LAPTM4B: variants seen among roughly 807,000 people sequenced by gnomAD.
LAPTM4B encodes the protein lysosomal protein transmembrane 4 beta, also known as lysosomal-associated transmembrane protein 4B.
Under a neutral mutation model 28.5 loss-of-function variants are expected in LAPTM4B, and 26 were observed. That is an observed-to-expected ratio of 0.91 (90% CI 0.67 to 1.27). The LOEUF (loss-of-function observed/expected upper bound fraction) is 1.27, where lower values mean the gene tolerates loss of function less well. LAPTM4B is among the 50% of genes most tolerant of loss of function. LAPTM4B has a pLI of 0.00. For missense variants in LAPTM4B, 288 were observed against 285.8 expected, an observed-to-expected ratio of 1.01 and a Z score of -0.06; for synonymous variants, 109 against 106.4, an observed-to-expected ratio of 1.02 and a Z score of -0.15.
At chr8:97,803,387 T>A (rs184901806) in intron 1 of LAPTM4B, among the ~76,000 whole-genome samples, 1 of 151,702 alleles carries the variant, frequency 6.6e-6, no homozygotes, top group East Asian at 2.0e-4. Context: ...GAAGTGATTC[T>A]CCTGCCTCAG....
rs768687341 is a variant in LAPTM4B at position 97,775,940 on chromosome 8, C to G, written c.-70C>G. 11 of 1,475,416 alleles carry G rather than the reference C, an allele frequency of 7.5e-6. No individual in the cohort carries two copies. In the South Asian group the frequency reaches 1.5e-4, roughly 20 times the overall value. 91.4% of individuals were successfully genotyped at this position (1,475,416 alleles called of 1,614,324 possible). ...GGAGGAGCCGGCAGCAGCGGCGCGGCGGGCTCCAGGCGAGGCGGTCGACGC... is the reference window on the plus strand; with the variant it reads ...GGAGGAGCCGGCAGCAGCGGCGCGGGGGGCTCCAGGCGAGGCGGTCGACGC... On this transcript the variant is annotated 5_prime_UTR_variant, in exon 1 of 7. Transcript: ENST00000521545.
chr8:97,805,266 T>TC (rs1816741503), intron 1 of LAPTM4B, 87 bp from the exon 2 acceptor site: 1 of 729,564 alleles, frequency 1.4e-6, no homozygotes, highest in Non-Finnish European at 2.3e-6. Flanking sequence ...CCAGCCTGAC[T>TC]CCATGTGGTC....
At chr8:97,840,949 GT>G (rs1289504364) in intron 6 of LAPTM4B, among the ~76,000 whole-genome samples, 3 of 148,924 alleles carry the variant, frequency 2.0e-5, no homozygotes, top group African/African-American at 7.4e-5. Flanking sequence ...CTTCTAGACA[GT>G]TGGTGGCCAA....
At chr8:97,786,701 G>GGAA (rs751867632) in intron 1 of LAPTM4B, among the ~76,000 whole-genome samples, 14 of 89,278 alleles carry the variant, frequency 1.6e-4, no homozygotes, top group Non-Finnish European at 2.3e-4. Flanking sequence ...TCCCGTCTCA[G>GGAA]AAAAAAAAAA....
At chr8:97,834,135 G>T in intron 6 of LAPTM4B, among the ~76,000 whole-genome samples, 1 of 56,004 alleles carries the variant, frequency 1.8e-5, no homozygotes, top group Non-Finnish European at 4.1e-5. Flanking sequence ...TGAGACCCCT[G>T]TCTCTACAGA....
chr8:97,816,396 C>CCTCTGCCTCCAGGGT (rs1001288581), intron 4 of LAPTM4B, among the ~76,000 whole-genome samples: 3 of 151,902 alleles, frequency 2.0e-5, no homozygotes, highest in Non-Finnish European at 2.9e-5. Flanking sequence ...CTCACTGCAA[C>CCTCTGCCTCCAGGGT]CTCTGCCTCC....
chr8:97,804,792 A>ACTGGCCTGGCCTGGCCTGGC (rs370311995), intron 1 of LAPTM4B, among the ~76,000 whole-genome samples: 2 of 151,918 alleles, frequency 1.3e-5, no homozygotes, highest in African/African-American at 4.8e-5. Context: ...AGACAGGACT[A>ACTGGCCTGGCCTGGCCTGGC]CTGGCCTGGC....
chr8:97,798,855 G>A (rs1360511865), intron 1 of LAPTM4B, among the ~76,000 whole-genome samples: 2 of 152,128 alleles, frequency 1.3e-5, no homozygotes, highest in Admixed American at 1.3e-4. Context: ...AGGGTTAGAG[G>A]CCAGATGGAT....
At chr8:97,840,871 G>GGGCGGCACAGCCAAAAT (rs1817336723) in intron 6 of LAPTM4B, among the ~76,000 whole-genome samples, 3 of 150,426 alleles carry the variant, frequency 2.0e-5, no homozygotes, top group East Asian at 2.0e-4. Flanking sequence ...TTCCCAGACG[G>GGGCGGCACAGCCAAAAT]TGGGTAGCTG....
intron 1 of LAPTM4B, among the ~76,000 whole-genome samples, chr8:97,780,314 C>G (rs1816289235): frequency 6.6e-6 from 1 of 151,762 alleles, no homozygotes; most frequent in Non-Finnish European, 1.5e-5. Flanking sequence ...GTAACCCCAG[C>G]TACTTGGGAA....
chr8:97,804,848 T>C (rs906823022), intron 1 of LAPTM4B, among the ~76,000 whole-genome samples: 2 of 152,196 alleles, frequency 1.3e-5, no homozygotes, highest in Non-Finnish European at 2.9e-5. Flanking sequence ...AGGATGATCC[T>C]GGATCCACTA....
Position 97,775,864 on chromosome 8 carries a change from A to G in LAPTM4B, c.-146A>G. On this transcript the variant is annotated 5_prime_UTR_variant, in exon 1 of 7. Coordinates refer to ENST00000521545, the MANE Select transcript of LAPTM4B (RefSeq NM_018407.6). ...GAAGCTCGGAGCTCTCGGGGTATCG[A>G]GGAGGCAGGCCCGCGGGCGCACGGG... is the stretch of plus-strand genomic sequence containing the variant. The G allele has an allele frequency of 1.3e-6, 2 of 1,509,412 alleles. No individual in the cohort carries two copies. Among genetic ancestry groups the G allele is most frequent in the South Asian group, 2.4e-5 (2 of 82,404 alleles). 93.5% of individuals were successfully genotyped at this position (1,509,412 alleles called of 1,614,324 possible). A position where few individuals can be genotyped will look rare whatever the true frequency, so the allele number is the denominator to read the frequency against.
intron 1 of LAPTM4B, among the ~76,000 whole-genome samples, chr8:97,780,796 T>C (rs931358359): frequency 5.9e-5 from 9 of 152,194 alleles, no homozygotes; most frequent in African/African-American, 1.9e-4. Flanking sequence ...GCATGTGTTT[T>C]GGTTTTGTCT....
At chr8:97,816,249 G>A in intron 4 of LAPTM4B, 69 bp downstream of exon 4, 10 of 1,433,506 alleles carry the variant, frequency 7.0e-6, no homozygotes, top group Non-Finnish European at 9.5e-6. Context: ...AGTAAGGGAT[G>A]TGTAGAGATA....
At chr8:97,833,625 G>A (rs941745521) in intron 6 of LAPTM4B, among the ~76,000 whole-genome samples, 11 of 152,138 alleles carry the variant, frequency 7.2e-5, no homozygotes, top group African/African-American at 2.4e-4. Flanking sequence ...TGCCTCTCAT[G>A]TAGTCTTCTG....
intron 1 of LAPTM4B, among the ~76,000 whole-genome samples, chr8:97,785,166 A>G (rs1317812727): frequency 6.6e-6 from 1 of 150,450 alleles, no homozygotes; most frequent in East Asian, 2.0e-4. Flanking sequence ...GTTCCCTGCA[A>G]CCTCCACCTC....
chr8:97,837,660 G>A lies in LAPTM4B; in HGVS notation c.603+12507G>A, dbSNP rs1447631200. On this transcript the variant is annotated intron_variant, in intron 6 of 6. Coordinates refer to ENST00000521545, the MANE Select transcript of LAPTM4B (RefSeq NM_018407.6). Reference sequence around the variant, plus strand: ...TTAATTTAGCATCCTTTTCAGTCCTGTACGCACCAAATTCAGGTACATTAA... The same window carrying A: ...TTAATTTAGCATCCTTTTCAGTCCTATACGCACCAAATTCAGGTACATTAA... Among the ~76,000 whole-genome samples the A allele has an allele frequency of 2.0e-5, 3 of 152,054 alleles. No individual in the cohort carries two copies. In the East Asian group the frequency reaches 5.8e-4, roughly 29 times the overall value.
intron 5 of LAPTM4B, among the ~76,000 whole-genome samples, chr8:97,819,895 C>T (rs1449969445): frequency 6.6e-6 from 1 of 152,030 alleles, no homozygotes; most frequent in Non-Finnish European, 1.5e-5. Flanking sequence ...CCACCATGCC[C>T]AGCAAATTTT....
At chr8:97,805,264 A>G in intron 1 of LAPTM4B, 89 bp from the exon 2 acceptor site, 1 of 713,718 alleles carries the variant, frequency 1.4e-6, no homozygotes, top group South Asian at 1.8e-5. Flanking sequence ...GGCCAGCCTG[A>G]CTCCATGTGG....
Sources: gnomAD v4.1 joint callset for allele counts (sites outside exome capture counted in the v4.1 genomes callset) on GRCh38, gnomAD v4.1.1 for gene constraint, MANE v1.5 for transcripts, NCBI Gene and HGNC (gene_info 2026-07-23, HGNC 2026-07-21) for gene names.